RSBN1L: variants seen among roughly 807,000 people sequenced by gnomAD.
RSBN1L encodes the protein lysine-specific demethylase RSBN1L.
In RSBN1L, 30 loss-of-function variants were observed where a neutral mutation model predicts 67.7. The observed-to-expected ratio is 0.44, with a 90% CI of 0.33 to 0.60. The LOEUF (loss-of-function observed/expected upper bound fraction) is 0.60, where lower values mean the gene tolerates loss of function less well. RSBN1L is among the 20% of genes least tolerant of loss of function. The probability of loss-of-function intolerance (pLI) is 0.02; values close to 1 mark genes in which losing one functional copy is unlikely to be tolerated. For missense variants in RSBN1L, 992 were observed against 1,031.7 expected (o/e 0.96, Z 0.53); for synonymous variants, 433 against 387.0 (o/e 1.12, Z -1.39).
chr7:77,710,227 A>T, intron 1 of RSBN1L, among the ~76,000 whole-genome samples: 1 of 152,206 alleles, frequency 6.6e-6, no homozygotes, highest in East Asian at 1.9e-4. Context: ...TGATAACCAG[A>T]TATCTAAATG....
At chr7:77,756,479 C>T (rs1412982907) in intron 3 of RSBN1L, among the ~76,000 whole-genome samples, 13 of 151,920 alleles carry the variant, frequency 8.6e-5, no homozygotes, top group Non-Finnish European at 1.9e-4. Context: ...CATTTAGCAG[C>T]ATTAAAGACA....
chr7:77,727,390 C>CA (rs2150418309), intron 1 of RSBN1L, among the ~76,000 whole-genome samples: 1 of 152,330 alleles, frequency 6.6e-6, no homozygotes, highest in South Asian at 2.1e-4. Context: ...CCCAGCCCCC[C>CA]ATCTGCTTTT....
chr7:77,725,841 C>A (rs545734980), intron 1 of RSBN1L, among the ~76,000 whole-genome samples: 2 of 151,982 alleles, frequency 1.3e-5, no homozygotes, highest in Admixed American at 1.3e-4. Context: ...CCGCCTGCCT[C>A]CCAAAGTGCT....
intron 1 of RSBN1L, among the ~76,000 whole-genome samples, chr7:77,735,309 A>G (rs1791320283): frequency 1.3e-5 from 2 of 152,328 alleles, no homozygotes; most frequent in South Asian, 2.1e-4. Flanking sequence ...TTAGATTTTG[A>G]AATCTTATGA....
At position 77,696,483 on chromosome 7, in the gene RSBN1L, C is replaced by T. The variant is rs375776456; in HGVS notation, c.14C>T (p.Pro5Leu). The change falls in exon 1 of 8, where the codon CCG (proline) becomes CTG (leucine). Residue 5 changes from proline to leucine, a missense_variant. Pro to Leu is a moderately conservative substitution (Grantham distance 98). Coordinates refer to ENST00000334955, the MANE Select transcript of RSBN1L (RefSeq NM_198467.3). MAEP[P>L]SPVHCVAAAA... The stretch of plus-strand genomic sequence containing the variant: ...CAGGAGCGCAAAATGGCGGAACCGC[C>T]GAGCCCCGTGCACTGTGTCGCTGCC... The T allele has an allele frequency of 6.2e-7, 1 of 1,609,772 alleles. No homozygotes were observed. Among genetic ancestry groups the T allele is most frequent in the Non-Finnish European group, 8.5e-7 (1 of 1,177,594 alleles).
At chr7:77,703,393 A>G (rs1387201459) in intron 1 of RSBN1L, among the ~76,000 whole-genome samples, 7 of 146,392 alleles carry the variant, frequency 4.8e-5, no homozygotes. Flanking sequence ...GTCTTTATAC[A>G]TTGTATTTCA....
At chr7:77,711,391 G>A (rs1790972141) in intron 1 of RSBN1L, among the ~76,000 whole-genome samples, 1 of 150,062 alleles carries the variant, frequency 6.7e-6, no homozygotes, top group Non-Finnish European at 1.5e-5. Context: ...CCAGGCCGGA[G>A]TGCAGTGGCT....
At chr7:77,742,948 G>A (rs1009258326) in intron 2 of RSBN1L, among the ~76,000 whole-genome samples, 1 of 152,212 alleles carries the variant, frequency 6.6e-6, no homozygotes, top group African/African-American at 2.4e-5. Flanking sequence ...CTAGATGCTA[G>A]CCGAGAGTCA....
At chr7:77,748,967 ACTGG>A (rs989359192) in intron 2 of RSBN1L, among the ~76,000 whole-genome samples, 4 of 151,392 alleles carry the variant, frequency 2.6e-5, no homozygotes, top group African/African-American at 7.3e-5. Context: ...ACATGAAGAG[ACTGG>A]CTGGCTGGGT....
Position 77,768,604 on chromosome 7 carries a change from T to C in RSBN1L, c.1483-57T>C, listed in dbSNP as rs1791805725. 2.1e-6 allele frequency: 3 copies of C among 1,457,536 alleles called. 1 individual carries two copies. The highest frequency in any genetic ancestry group is 2.9e-6 in the Non-Finnish European group (3 of 1,044,722). The allele number at this position is 1,457,536 out of a possible 1,614,324, so 90.3% of individuals were successfully genotyped here. A position where few individuals can be genotyped will look rare whatever the true frequency, so the allele number is the denominator to read the frequency against. ...CAGGGGAACAATATTATTATTAACATACACTTGAAGATACATTTTGAAAAT... is the reference window on the plus strand; with the variant it reads ...CAGGGGAACAATATTATTATTAACACACACTTGAAGATACATTTTGAAAAT... On this transcript the variant is annotated intron_variant, in intron 4 of 7. Transcript: ENST00000334955.
At chr7:77,730,586 G>A (rs1348643773) in intron 1 of RSBN1L, among the ~76,000 whole-genome samples, 1 of 152,164 alleles carries the variant, frequency 6.6e-6, no homozygotes, top group Non-Finnish European at 1.5e-5. Flanking sequence ...GGCAACCACT[G>A]ATCTTTTTAT....
chr7:77,698,386 A>G (rs1790769747), intron 1 of RSBN1L, among the ~76,000 whole-genome samples: 1 of 152,184 alleles, frequency 6.6e-6, no homozygotes, highest in East Asian at 1.9e-4. Flanking sequence ...TTATATGTAA[A>G]ATTTAGGAGA....
At chr7:77,745,404 TATA>T (rs1237855429) in intron 2 of RSBN1L, among the ~76,000 whole-genome samples, 1 of 152,164 alleles carries the variant, frequency 6.6e-6, no homozygotes, top group Non-Finnish European at 1.5e-5. Context: ...CTATGAGGGA[TATA>T]ATGATGGAAA....
chr7:77,765,185 C>T (rs1453123791), intron 3 of RSBN1L, among the ~76,000 whole-genome samples: 2 of 152,102 alleles, frequency 1.3e-5, no homozygotes, highest in Non-Finnish European at 2.9e-5. Context: ...TTCCTCTGTT[C>T]TAAGGAGATG....
chr7:77,717,771 A>G (rs1791066994), intron 1 of RSBN1L, among the ~76,000 whole-genome samples: 1 of 152,224 alleles, frequency 6.6e-6, no homozygotes, highest in Non-Finnish European at 1.5e-5. Context: ...TAATCTGAGC[A>G]CTTTGGGAGG....
intron 2 of RSBN1L, among the ~76,000 whole-genome samples, chr7:77,739,901 C>T (rs1170606714): frequency 6.7e-6 from 1 of 150,004 alleles, no homozygotes; most frequent in Non-Finnish European, 1.5e-5. Context: ...AGCCGCACGC[C>T]GCCATGCCTA....
chr7:77,774,371 T>C (rs1791884561), intron 6 of RSBN1L, among the ~76,000 whole-genome samples: 1 of 152,128 alleles, frequency 6.6e-6, no homozygotes, highest in Non-Finnish European at 1.5e-5. Flanking sequence ...TGGGATCACC[T>C]GAGGTCAGGA....
At chr7:77,762,252 T>C (rs1791705396) in intron 3 of RSBN1L, among the ~76,000 whole-genome samples, 1 of 151,978 alleles carries the variant, frequency 6.6e-6, no homozygotes, top group Non-Finnish European at 1.5e-5. Context: ...ACTTTAAAAA[T>C]TCAGGGTCTC....
intron 1 of RSBN1L, among the ~76,000 whole-genome samples, chr7:77,729,937 G>A (rs1018014452): frequency 6.6e-6 from 1 of 152,190 alleles, no homozygotes; most frequent in Non-Finnish European, 1.5e-5. Context: ...CCATGTGACA[G>A]AGCAAAACCC....
Sources: gnomAD v4.1 joint callset for allele counts (sites outside exome capture counted in the v4.1 genomes callset) on GRCh38, gnomAD v4.1.1 for gene constraint, MANE v1.5 for transcripts, NCBI Gene and HGNC (gene_info 2026-07-23, HGNC 2026-07-21) for gene names.